Variants in EPHA6 observed in about 807,000 individuals in gnomAD.
The protein encoded by EPHA6 is ephrin type-A receptor 6.
A neutral mutation model predicts 112.0 loss-of-function variants in EPHA6; 50 were observed. That is an observed-to-expected ratio of 0.45 (90% CI 0.36 to 0.56). The LOEUF (loss-of-function observed/expected upper bound fraction) is 0.56, where lower values mean the gene tolerates loss of function less well. Ranked by LOEUF, EPHA6 falls within the 20% of genes least tolerant of loss-of-function variation. The pLI, the probability that EPHA6 is intolerant of heterozygous loss-of-function variation, is 0.00. For synonymous variants in EPHA6, 529 were observed against 490.7 expected, an observed-to-expected ratio of 1.08 and a Z score of -1.03; for missense variants, 1,280 against 1,417.4, an observed-to-expected ratio of 0.90 and a Z score of 1.56.
chr3:97,066,302 A>C (rs2108140325), intron 3 of EPHA6, among the ~76,000 whole-genome samples: 1 of 152,264 alleles, frequency 6.6e-6, no homozygotes, highest in East Asian at 1.9e-4. Context: ...GAAGCTACAC[A>C]GAATATAATA....
intron 6 of EPHA6, among the ~76,000 whole-genome samples, chr3:97,439,895 G>T (rs2090044899): frequency 6.6e-6 from 1 of 152,098 alleles, no homozygotes; most frequent in Non-Finnish European, 1.5e-5. Context: ...AATTTTAGTA[G>T]TTCAATTCCC....
chr3:96,926,741 A>G (rs1303344444), intron 2 of EPHA6, among the ~76,000 whole-genome samples: 1 of 152,200 alleles, frequency 6.6e-6, no homozygotes, highest in Admixed American at 6.5e-5. Flanking sequence ...CATCCAGGAC[A>G]TGCTGATGCA....
chr3:96,884,641 C>T (rs2037516405), intron 2 of EPHA6, among the ~76,000 whole-genome samples: 2 of 152,094 alleles, frequency 1.3e-5, no homozygotes, highest in African/African-American at 4.8e-5. Context: ...TTAGGGTTTT[C>T]AAGGTAAACG....
chr3:97,277,427 G>A (rs535091496), intron 5 of EPHA6, among the ~76,000 whole-genome samples: 29 of 152,220 alleles, frequency 1.9e-4, no homozygotes, highest in African/African-American at 6.0e-4. Context: ...GTTAAGGCAG[G>A]AACAGGCCAT....
chr3:97,404,519 A>G (rs115802943), intron 5 of EPHA6, among the ~76,000 whole-genome samples: 1,799 of 152,282 alleles, frequency 0.012, 31 homozygotes, highest in African/African-American at 0.039. Context: ...TATATGTTAG[A>G]AGCTTAACAC....
Position 97,495,041 on chromosome 3 carries a change from C to T in EPHA6, c.2200+10982C>T, listed in dbSNP as rs1201343610. Among the ~76,000 whole-genome samples the T allele has an allele frequency of 2.6e-5, 4 of 152,194 alleles. No individual in the cohort carries two copies. In the South Asian group the frequency reaches 6.2e-4, roughly 24 times the overall value. On this transcript the variant is annotated intron_variant, in intron 10 of 17. Transcript: ENST00000389672. ...GTGAGAACACAGGGATAGCACGTTT[C>T]CTGCTGTGCCTCGATTAATGCATCC...
At chr3:97,645,821 A>T (rs1275547628) in intron 14 of EPHA6, among the ~76,000 whole-genome samples, 1 of 152,094 alleles carries the variant, frequency 6.6e-6, no homozygotes, top group African/African-American at 2.4e-5. Flanking sequence ...ATTTTACCTC[A>T]GATGATTTTG....
At chr3:97,539,156 T>C (rs2092812399) in intron 11 of EPHA6, among the ~76,000 whole-genome samples, 1 of 149,796 alleles carries the variant, frequency 6.7e-6, no homozygotes, top group African/African-American at 2.5e-5. Flanking sequence ...CTTCTTTCTT[T>C]TTTTTTTTTG....
At chr3:97,214,557 T>C (rs1559803111) in intron 3 of EPHA6, among the ~76,000 whole-genome samples, 1 of 151,908 alleles carries the variant, frequency 6.6e-6, no homozygotes, top group Non-Finnish European at 1.5e-5. Context: ...GCCTTTAATA[T>C]ATATCTTTCT....
intron 10 of EPHA6, among the ~76,000 whole-genome samples, chr3:97,515,695 A>G (rs1019907596): frequency 2.6e-5 from 4 of 152,174 alleles, no homozygotes; most frequent in Non-Finnish European, 5.9e-5. Context: ...AGTTGAAACT[A>G]TGAATAACAG....
intron 11 of EPHA6, among the ~76,000 whole-genome samples, chr3:97,584,688 G>A (rs1026240697): frequency 1.3e-5 from 2 of 152,152 alleles, no homozygotes; most frequent in African/African-American, 4.8e-5. Context: ...CATGGGAGAT[G>A]ATACCTGCCA....
At chr3:96,983,834 G>A (rs1214390831) in intron 2 of EPHA6, among the ~76,000 whole-genome samples, 3 of 151,820 alleles carry the variant, frequency 2.0e-5, no homozygotes, top group Admixed American at 6.6e-5. Flanking sequence ...CTTTTTTCCA[G>A]TTGATTGAAT....
intron 3 of EPHA6, among the ~76,000 whole-genome samples, chr3:97,076,638 G>A (rs1162396611): frequency 6.6e-6 from 1 of 152,156 alleles, no homozygotes; most frequent in East Asian, 1.9e-4. Flanking sequence ...GAGCAGCATT[G>A]TATTGGAAGA....
chr3:97,221,308 C>CAAAAAAAAA (rs57025573), intron 3 of EPHA6, among the ~76,000 whole-genome samples: 1 of 16,404 alleles, frequency 6.1e-5, no homozygotes, highest in Non-Finnish European at 1.8e-4. Context: ...GACTCTGTCT[C>CAAAAAAAAA]AAAAAAAAAA....
intron 4 of EPHA6, 122 bp from the exon 5 acceptor site, chr3:97,243,830 T>A: frequency 1.4e-6 from 1 of 717,536 alleles, no homozygotes; most frequent in East Asian, 2.7e-5. Flanking sequence ...ATAGATCCCA[T>A]TAGAAAAAGA....
intron 5 of EPHA6, among the ~76,000 whole-genome samples, chr3:97,391,997 C>A (rs1303047698): frequency 1.3e-5 from 2 of 151,682 alleles, no homozygotes; most frequent in Non-Finnish European, 3.0e-5. Context: ...GTCTAATTTT[C>A]ATAAAGCTTC....
rs1455453245 is a variant in EPHA6 at position 97,263,354 on chromosome 3, A to T, written c.1606+19067A>T. ...AAAGGCATTCATATATATTTGTTCA[A>T]TAAAGGAATATATGATTAAATAAAG... On this transcript the variant is annotated intron_variant, in intron 5 of 17. Transcript: ENST00000389672. Among the ~76,000 whole-genome samples, 5 of 152,084 alleles carry T rather than the reference A, an allele frequency of 3.3e-5. No individual in the cohort carries two copies. In the East Asian group the frequency reaches 9.6e-4, roughly 29 times the overall value.
chr3:97,544,267 T>C (rs891168922), intron 11 of EPHA6, among the ~76,000 whole-genome samples: 4 of 152,178 alleles, frequency 2.6e-5, no homozygotes, highest in African/African-American at 9.7e-5. Flanking sequence ...ATACGTCCCA[T>C]CAATACCTAA....
chr3:96,857,664 G>A (rs1483890063), intron 1 of EPHA6, among the ~76,000 whole-genome samples: 1 of 151,896 alleles, frequency 6.6e-6, no homozygotes, highest in East Asian at 1.9e-4. Flanking sequence ...TTTTTTTTAA[G>A]TCTTCACATT....
Sources: gnomAD v4.1 joint callset for allele counts (sites outside exome capture counted in the v4.1 genomes callset) on GRCh38, gnomAD v4.1.1 for gene constraint, MANE v1.5 for transcripts, NCBI Gene and HGNC (gene_info 2026-07-23, HGNC 2026-07-21) for gene names.